Variants in WSCD1 observed in about 807,000 individuals in gnomAD.
WSCD1 encodes the protein sialate:O-sulfotransferase 1.
Under a neutral mutation model 60.4 loss-of-function variants are expected in WSCD1, and 41 were observed. That is an observed-to-expected ratio of 0.68 (90% CI 0.53 to 0.88). The LOEUF (loss-of-function observed/expected upper bound fraction) is 0.88. WSCD1 is among the 40% of genes least tolerant of loss of function. The pLI is 0.00. For missense variants in WSCD1, 784 were observed against 796.2 expected (o/e 0.98, Z 0.18); for synonymous variants, 361 against 332.5 (o/e 1.09, Z -0.93).
At chr17:6,117,560 A>C (rs1904362985) in intron 7 of WSCD1, among the ~76,000 whole-genome samples, 1 of 152,250 alleles carries the variant, frequency 6.6e-6, no homozygotes, top group Non-Finnish European at 1.5e-5. Flanking sequence ...GGCAAGTCCC[A>C]TGCTCACTCT....
intron 5 of WSCD1, among the ~76,000 whole-genome samples, chr17:6,098,171 C>A (rs1450897444): frequency 6.6e-6 from 1 of 151,260 alleles, no homozygotes; most frequent in African/African-American, 2.4e-5. Context: ...GGGGTCTCAC[C>A]AAGTTGCCCA....
At chr17:6,070,685 C>T (rs1908479733) in intron 1 of WSCD1, 33 bp downstream of exon 1, 1 of 151,098 alleles carries the variant, frequency 6.6e-6, no homozygotes, top group Admixed American at 6.6e-5. Context: ...CCAGCCGGAC[C>T]CCCGCGCGGG....
In WSCD1 at chr17:6,120,561, C is replaced by G; in HGVS notation, c.1628C>G (p.Pro543Arg). 6.2e-7 allele frequency: 1 copy of G among 1,613,794 alleles called. No homozygotes were observed. The highest frequency in any genetic ancestry group is 1.1e-5 in the South Asian group (1 of 91,082). Residue 543 changes from proline to arginine, a missense_variant, in exon 9 of 9, where the codon CCG becomes CGG. Physicochemically the swap from Pro to Arg is moderately radical, Grantham distance 103 (BLOSUM62 -2). Coordinates refer to ENST00000317744, the MANE Select transcript of WSCD1 (RefSeq NM_015253.2). ...RRSHDPEPFT[P>R]EMKDLINGYI... ...TCCCACGACCCTGAGCCCTTCACCC[C>G]GGAGATGAAAGACTTGATCAATGGC...
At chr17:6,116,353 C>T (rs75387767) in intron 7 of WSCD1, among the ~76,000 whole-genome samples, 9,318 of 152,240 alleles carry the variant, frequency 0.061, 360 homozygotes, top group Middle Eastern at 0.099. Context: ...TTGAGCCTTA[C>T]AAGACCATTA....
In WSCD1 at chr17:6,080,081, C is replaced by A. The variant is rs1362212032; in HGVS notation, c.-288-290C>A. The A allele has an allele frequency of 5.8e-5, 9 of 154,454 alleles. No individual in the cohort carries two copies. The highest frequency in any genetic ancestry group is 1.3e-4 in the Non-Finnish European group (9 of 69,874). 9.6% of individuals were successfully genotyped at this position (154,454 alleles called of 1,614,324 possible). On this transcript the variant is annotated intron_variant, in intron 1 of 8. Coordinates refer to ENST00000317744, the MANE Select transcript of WSCD1 (RefSeq NM_015253.2). The surrounding 1 kb of genome is among the most constrained non-coding windows in gnomAD (Gnocchi z 6.6). ...GAGCCCCTGCTGCTGTTCCTCCTCC[C>A]CCTTATTGATATTGCTGTCATCACT...
Position 6,118,029 on chromosome 17 carries a change from A to G in WSCD1, c.1216A>G (p.Ile406Val), listed in dbSNP as rs200668362. The G allele has an allele frequency of 7.8e-5, 126 of 1,614,184 alleles. 1 individual carries two copies. In the South Asian group the frequency reaches 1.3e-3, roughly 16 times the overall value. Residue 406 changes from isoleucine (I) to valine (V), a missense_variant, in exon 8 of 9, where the codon ATC becomes GTC. Transcript: ENST00000317744. This position sits in a 1 kb window ranked among gnomAD's most constrained non-coding sequence, Gnocchi z 5.8. The part of the protein sequence containing the change: ...EKDHWRSRRT[I>V]CVKTHESGRR... ...GGACCACTGGCGGAGCCGACGCACCATCTGTGTCAAAACCCACGAGAGTGG... is the reference window on the plus strand; with the variant it reads ...GGACCACTGGCGGAGCCGACGCACCGTCTGTGTCAAAACCCACGAGAGTGG...
chr17:6,080,612 T>TAGGAGCC lies in WSCD1; in HGVS notation c.-45_-39dup, dbSNP rs1909168248. The stretch of plus-strand genomic sequence containing the variant: ...CCTGGCCTCACTCCCACCTGGGCGC[T>TAGGAGCC]AGGAGCCATCCCGGGGCTCCAGCCA... On this transcript the variant is annotated 5_prime_UTR_variant, in exon 2 of 9. Transcript: ENST00000317744. This position sits in a 1 kb window ranked among gnomAD's most constrained non-coding sequence, Gnocchi z 6.6. 1 of 1,599,828 alleles carries TAGGAGCC rather than the reference T, an allele frequency of 6.3e-7. No individual in the cohort carries two copies. Among genetic ancestry groups the TAGGAGCC allele is most frequent in the Non-Finnish European group, 8.5e-7 (1 of 1,174,268 alleles).
intron 7 of WSCD1, among the ~76,000 whole-genome samples, chr17:6,117,494 C>CA (rs1555529275): frequency 6.6e-6 from 1 of 152,230 alleles, no homozygotes; most frequent in Non-Finnish European, 1.5e-5. Context: ...CACAGAGACA[C>CA]ACGGTGGCAT....
intron 3 of WSCD1, among the ~76,000 whole-genome samples, chr17:6,089,588 G>T (rs182816852): frequency 6.6e-6 from 1 of 152,196 alleles, no homozygotes; most frequent in Non-Finnish European, 1.5e-5. Flanking sequence ...GCTCACGGCC[G>T]CTCACCATGG....
intron 5 of WSCD1, among the ~76,000 whole-genome samples, chr17:6,105,229 A>G (rs1267630650): frequency 6.6e-6 from 1 of 152,204 alleles, no homozygotes; most frequent in East Asian, 1.9e-4. Flanking sequence ...ACCCAGGCTC[A>G]GGCTGTAGAT....
In WSCD1 at chr17:6,091,332, C is replaced by A. The variant is rs542136117; in HGVS notation, c.727+827C>A. Among the ~76,000 whole-genome samples, 6 of 152,276 alleles carry A rather than the reference C, an allele frequency of 3.9e-5. No homozygotes were observed. In the South Asian group the frequency reaches 1.2e-3, roughly 32 times the overall value. ...TGAACTAGCAGAAAAGTAAGGCAAT[C>A]CCTTGGATCCAAAAATGAAGAAAGA... is the stretch of plus-strand genomic sequence containing the variant. On this transcript the variant is annotated intron_variant, in intron 4 of 8. Coordinates refer to ENST00000317744, the MANE Select transcript of WSCD1 (RefSeq NM_015253.2).
At chr17:6,117,593 CTA>C (rs1296660083) in intron 7 of WSCD1, among the ~76,000 whole-genome samples, 2 of 152,256 alleles carry the variant, frequency 1.3e-5, no homozygotes, top group Admixed American at 6.5e-5. Flanking sequence ...CTTCATTCAG[CTA>C]TGTTTGCAGC....
Position 6,110,862 on chromosome 17 carries a change from A to G in WSCD1, c.1101A>G (p.Ala367=). 2 of 1,613,954 alleles carry G rather than the reference A, an allele frequency of 1.2e-6. No homozygotes were observed. Among genetic ancestry groups the G allele is most frequent in the Non-Finnish European group, 1.7e-6 (2 of 1,179,888 alleles). ...TCCCAGGAGCCGGGAACACATGGGC[A>G]CGGCACCTCATTGAGCATGCCACTG... ...SSFPGAGNTW[A]RHLIEHATGF... Residue 367 remains alanine, a synonymous_variant, in exon 7 of 9, where the codon GCA becomes GCG. Transcript: ENST00000317744. This position sits in a 1 kb window ranked among gnomAD's most constrained non-coding sequence, Gnocchi z 4.8.
intron 5 of WSCD1, among the ~76,000 whole-genome samples, chr17:6,102,799 G>A (rs980083765): frequency 6.6e-6 from 1 of 151,938 alleles, no homozygotes; most frequent in African/African-American, 2.4e-5. Context: ...CTCTCCTGAG[G>A]GACATTTAGG....
At chr17:6,100,080 G>A (rs897637162) in intron 5 of WSCD1, among the ~76,000 whole-genome samples, 1 of 152,152 alleles carries the variant, frequency 6.6e-6, no homozygotes, top group Admixed American at 6.5e-5. Flanking sequence ...CAGGTAGGAT[G>A]TTCTGGAGCA....
chr17:6,114,104 T>C (rs1280895347), intron 7 of WSCD1, among the ~76,000 whole-genome samples: 4 of 135,832 alleles, frequency 2.9e-5, no homozygotes, highest in Non-Finnish European at 6.1e-5. Flanking sequence ...TATCTATCAA[T>C]AGGTGAATTT....
intron 5 of WSCD1, among the ~76,000 whole-genome samples, chr17:6,103,054 C>T (rs962866097): frequency 1.3e-5 from 2 of 152,132 alleles, no homozygotes; most frequent in Non-Finnish European, 2.9e-5. Flanking sequence ...GCTTTAGAGT[C>T]GTGGTAACCT....
At chr17:6,107,794 T>G (rs1012051309) in intron 5 of WSCD1, among the ~76,000 whole-genome samples, 28 of 152,178 alleles carry the variant, frequency 1.8e-4, no homozygotes, top group African/African-American at 6.8e-4. Flanking sequence ...TGAAGTTGCC[T>G]TTCATGAATT....
chr17:6,079,666 A>G (rs1909099284), intron 1 of WSCD1, among the ~76,000 whole-genome samples: 1 of 152,180 alleles, frequency 6.6e-6, no homozygotes, highest in Admixed American at 6.5e-5. Context: ...GTGAAAGCCA[A>G]CGACCAGCCT....
Sources: allele counts gnomAD v4.1 joint callset (sites outside exome capture counted in the v4.1 genomes callset), GRCh38; gene constraint gnomAD v4.1.1; non-coding constraint Gnocchi (gnomAD v3.1); transcripts MANE v1.5; gene names NCBI Gene and HGNC (gene_info 2026-07-23, HGNC 2026-07-21).